Variants in DCX observed in about 807,000 individuals in gnomAD.
DCX encodes the protein neuronal migration protein doublecortin.
A neutral mutation model predicts 20.9 loss-of-function variants in DCX; 4 were observed. The ratio of observed to expected loss-of-function variants is 0.19; its 90% CI spans 0.09 to 0.44. The LOEUF (loss-of-function observed/expected upper bound fraction) is 0.44. DCX is among the 20% of genes least tolerant of loss of function. The probability of loss-of-function intolerance (pLI) is 0.99; values close to 1 mark genes in which losing one functional copy is unlikely to be tolerated. For synonymous variants in DCX, 103 were observed against 111.4 expected (o/e 0.92, Z 0.47); for missense variants, 133 against 296.9 (o/e 0.45, Z 4.06).
At chrX:111,404,323 A>G (rs1436831181) in intron 2 of DCX, among the ~76,000 whole-genome samples, 2 of 112,073 alleles carry the variant, frequency 1.8e-5, no homozygotes, top group Non-Finnish European at 3.8e-5. Flanking sequence ...ATGATATGAC[A>G]TGAGCACTGC....
At chrX:111,410,519 G>T (rs1928622214) in intron 1 of DCX, 99 bp from the exon 2 acceptor site, 2 of 1,093,618 alleles carry the variant, frequency 1.8e-6, no homozygotes, top group African/African-American at 1.8e-5. Context: ...GCCAGATCCA[G>T]ATCTGCAATC....
At position 111,323,603 on chromosome X, in the gene DCX, G is replaced by GTTTT. The variant is rs780794851; in HGVS notation, c.946+7297_946+7300dup. Among the ~76,000 whole-genome samples, 100 of 52,147 alleles carry GTTTT rather than the reference G, an allele frequency of 1.9e-3. 2 individuals are homozygous for GTTTT. Among genetic ancestry groups the GTTTT allele is most frequent in the African/African-American group, 7.0e-3 (95 of 13,613 alleles). 45.3% of individuals were successfully genotyped at this position (52,147 alleles called of 115,157 possible). ...TCCTTAGGTGAAGCCTATTATTTCTGTTTTTTTTTTTTTTTTTTTTTTGCA... is the reference window on the plus strand; with the variant it reads ...TCCTTAGGTGAAGCCTATTATTTCTGTTTTTTTTTTTTTTTTTTTTTTTTTTGCA... On this transcript the variant is annotated intron_variant, in intron 5 of 6. Transcript: ENST00000636035.
intron 3 of DCX, among the ~76,000 whole-genome samples, chrX:111,391,014 A>G (rs1355148590): frequency 9.1e-6 from 1 of 109,813 alleles, no homozygotes; most frequent in Non-Finnish European, 1.9e-5. Flanking sequence ...AAAAAAAAAA[A>G]AAAAAAATCC....
chrX:111,404,031 G>C (rs1048063534), intron 2 of DCX, among the ~76,000 whole-genome samples: 31 of 78,624 alleles, frequency 3.9e-4, no homozygotes, highest in African/African-American at 1.3e-3. Context: ...GGGTGACGGA[G>C]AGAGTGAGAT....
chrX:111,356,006 T>C (rs1182682140), intron 3 of DCX, among the ~76,000 whole-genome samples: 1 of 111,586 alleles, frequency 9.0e-6, no homozygotes, highest in Non-Finnish European at 1.9e-5. Context: ...TCTTGGAAAA[T>C]GGAAGGGGTG....
At chrX:111,306,146 A>AT (rs972700080) in intron 6 of DCX, among the ~76,000 whole-genome samples, 14 of 111,645 alleles carry the variant, frequency 1.3e-4, no homozygotes, top group Non-Finnish European at 2.3e-4. Context: ...GGCAAAATAG[A>AT]TTTTTTAAAA....
chrX:111,375,426 T>C (rs996336842), intron 3 of DCX, among the ~76,000 whole-genome samples: 3 of 111,097 alleles, frequency 2.7e-5, no homozygotes, highest in African/African-American at 9.8e-5. Context: ...TATTTCAAAA[T>C]AAAAAGTTCT....
intron 2 of DCX, among the ~76,000 whole-genome samples, chrX:111,408,906 C>A (rs1190918979): frequency 1.8e-5 from 2 of 111,432 alleles, no homozygotes; most frequent in African/African-American, 6.5e-5. Flanking sequence ...AGGTTTTTCC[C>A]ACATCAAATT....
chrX:111,327,919 A>G (rs2095103253), intron 5 of DCX, among the ~76,000 whole-genome samples: 1 of 112,747 alleles, frequency 8.9e-6, no homozygotes, highest in Non-Finnish European at 1.9e-5. Flanking sequence ...ACAGCCCTTC[A>G]GGGTTGGAAT....
chrX:111,387,159 T>A (rs1226715542), intron 3 of DCX, among the ~76,000 whole-genome samples: 2 of 112,077 alleles, frequency 1.8e-5, no homozygotes. Flanking sequence ...CAGGGCTGAT[T>A]ATCTGTTAAG....
intron 3 of DCX, among the ~76,000 whole-genome samples, chrX:111,395,133 T>C (rs1402977022): frequency 9.0e-6 from 1 of 111,604 alleles, no homozygotes; most frequent in African/African-American, 3.3e-5. Flanking sequence ...ACCAACACTA[T>C]GAGGTGGATA....
chrX:111,359,531 T>C (rs1924028682), intron 3 of DCX, among the ~76,000 whole-genome samples: 1 of 111,997 alleles, frequency 8.9e-6, no homozygotes, highest in Non-Finnish European at 1.9e-5. Flanking sequence ...GGAATACTTT[T>C]GATTATGCCA....
chrX:111,401,587 A>G (rs754297168), intron 2 of DCX, among the ~76,000 whole-genome samples: 4 of 112,209 alleles, frequency 3.6e-5, no homozygotes, highest in Non-Finnish European at 7.5e-5. Flanking sequence ...GACAAAGAGC[A>G]TATCTAAATT....
chrX:111,362,508 C>T (rs947291127), intron 3 of DCX, among the ~76,000 whole-genome samples: 2 of 111,494 alleles, frequency 1.8e-5, no homozygotes, highest in Admixed American at 9.6e-5. Flanking sequence ...CTCCAAAGAA[C>T]GAGATGGTGC....
chrX:111,401,993 C>T (rs886372673), intron 2 of DCX, among the ~76,000 whole-genome samples: 18 of 112,116 alleles, frequency 1.6e-4, no homozygotes, highest in African/African-American at 5.8e-4. Flanking sequence ...TTATGCTACA[C>T]TAGGTAGAGA....
intron 2 of DCX, among the ~76,000 whole-genome samples, chrX:111,405,113 G>A (rs1928111359): frequency 1.8e-5 from 2 of 112,040 alleles, no homozygotes; most frequent in South Asian, 7.4e-4. Context: ...AACAAGCTGT[G>A]GGCTGGAGAT....
At chrX:111,391,980 A>T (rs1436595340) in intron 3 of DCX, among the ~76,000 whole-genome samples, 1 of 111,768 alleles carries the variant, frequency 8.9e-6, no homozygotes, top group East Asian at 2.8e-4. Context: ...CACTGGATTG[A>T]AGGTCCCAAC....
intron 3 of DCX, among the ~76,000 whole-genome samples, chrX:111,395,571 C>A (rs1198362611): frequency 8.9e-6 from 1 of 112,314 alleles, no homozygotes; most frequent in Non-Finnish European, 1.9e-5. Flanking sequence ...CCACATATGA[C>A]ATGGTAGTTT....
rs1197590970 is a variant in DCX, at chrX:111,298,191, G to A, written c.*3496C>T. ...ATGAGATGACACAAGGTGAACTGAT[G>A]GAGAAAATCAATCTTCCTCCATTCC... On this transcript the variant is annotated 3_prime_UTR_variant, in exon 7 of 7. Transcript: ENST00000636035. The A allele has an allele frequency of 1.8e-5, 2 of 111,776 alleles. No homozygotes were observed. Among genetic ancestry groups the A allele is most frequent in the African/African-American group, 3.3e-5 (1 of 30,715 alleles). The allele number at this position is 111,776 out of a possible 1,213,427, so 9.2% of individuals were successfully genotyped here.
Sources: allele counts gnomAD v4.1 joint callset (sites outside exome capture counted in the v4.1 genomes callset), GRCh38; gene constraint gnomAD v4.1.1; transcripts MANE v1.5; gene names NCBI Gene and HGNC (gene_info 2026-07-23, HGNC 2026-07-21).